HTR2C: variants seen among roughly 807,000 people sequenced by gnomAD.
HTR2C encodes the protein 5-hydroxytryptamine receptor 2C, also known as 5-hydroxytryptamine (serotonin) receptor 2C, G protein-coupled.
Under a neutral mutation model 21.0 loss-of-function variants are expected in HTR2C, and 5 were observed. That is an observed-to-expected ratio of 0.24 (90% CI 0.12 to 0.50). The LOEUF is 0.50. HTR2C is among the 20% of genes least tolerant of loss of function. The pLI is 0.98. For synonymous variants in HTR2C, 150 were observed against 145.3 expected, an observed-to-expected ratio of 1.03 and a Z score of -0.23; for missense variants, 271 against 371.2, an observed-to-expected ratio of 0.73 and a Z score of 2.22.
At chrX:114,906,514 T>G (rs2071373260) in intron 5 of HTR2C, 75 bp from the exon 6 acceptor site, 1 of 736,158 alleles carries the variant, frequency 1.4e-6, no homozygotes, top group Non-Finnish European at 2.0e-6. Flanking sequence ...AAATGCAAAT[T>G]AATGTATGCC....
intron 2 of HTR2C, among the ~76,000 whole-genome samples, chrX:114,614,169 A>G (rs1029568823): frequency 5.4e-5 from 6 of 111,656 alleles, no homozygotes; most frequent in Non-Finnish European, 9.4e-5. Flanking sequence ...GTAAATAAGT[A>G]TAAAGTATGA....
chrX:114,733,522 A>T (rs1459326956), intron 4 of HTR2C, among the ~76,000 whole-genome samples: 2 of 110,052 alleles, frequency 1.8e-5, no homozygotes, highest in East Asian at 5.7e-4. Flanking sequence ...AGTATGCATA[A>T]GACTCAAGAA....
At chrX:114,587,434 A>C (rs1372017775) in intron 1 of HTR2C, among the ~76,000 whole-genome samples, 1 of 111,849 alleles carries the variant, frequency 8.9e-6, no homozygotes, top group African/African-American at 3.2e-5. Context: ...AAGAACTGCT[A>C]AATTATGTTC....
chrX:114,596,887 C>T (rs894488127), intron 1 of HTR2C, among the ~76,000 whole-genome samples: 2 of 111,078 alleles, frequency 1.8e-5, no homozygotes, highest in Admixed American at 9.6e-5. Context: ...TCTGAGTAAT[C>T]GTGTAGATTT....
chrX:114,743,093 T>C (rs1556425563), intron 4 of HTR2C, among the ~76,000 whole-genome samples: 2 of 79,383 alleles, frequency 2.5e-5, no homozygotes, highest in African/African-American at 9.5e-5. Flanking sequence ...TATTCCATGG[T>C]GTATATGTGC....
chrX:114,762,227 G>T (rs1308020401), intron 4 of HTR2C, among the ~76,000 whole-genome samples: 1 of 109,809 alleles, frequency 9.1e-6, no homozygotes, highest in Non-Finnish European at 1.9e-5. Flanking sequence ...TTTTGTAAAA[G>T]ATAGATATTG....
intron 5 of HTR2C, among the ~76,000 whole-genome samples, chrX:114,858,662 T>C (rs2070982558): frequency 9.0e-6 from 1 of 111,468 alleles, no homozygotes; most frequent in African/African-American, 3.2e-5. Flanking sequence ...TTTTCTTCTA[T>C]CTTAAAAATT....
At chrX:114,776,017 C>A (rs1556438670) in intron 4 of HTR2C, 10 of 414,384 alleles carry the variant, frequency 2.4e-5, no homozygotes, top group Non-Finnish European at 4.3e-5. Context: ...CTCTCTTCTT[C>A]TCACTGATGT....
intron 4 of HTR2C, among the ~76,000 whole-genome samples, chrX:114,781,711 G>T (rs781856657): frequency 1.9e-5 from 2 of 107,988 alleles, no homozygotes; most frequent in South Asian, 8.2e-4. Context: ...ATGTTGCCCA[G>T]GCTGGTCTTA....
chrX:114,797,716 G>A (rs1556445645), intron 4 of HTR2C, among the ~76,000 whole-genome samples: 1 of 112,019 alleles, frequency 8.9e-6, no homozygotes, highest in African/African-American at 3.2e-5. Context: ...AGTTTGCCAA[G>A]GCAGACAGTG....
intron 5 of HTR2C, among the ~76,000 whole-genome samples, chrX:114,872,862 G>A (rs2071103089): frequency 9.0e-6 from 1 of 111,361 alleles, no homozygotes; most frequent in South Asian, 3.7e-4. Context: ...GGGTATTAAA[G>A]CCTCCAGCTA....
intron 2 of HTR2C, among the ~76,000 whole-genome samples, chrX:114,693,458 G>C (rs1556415374): frequency 8.9e-6 from 1 of 111,769 alleles, no homozygotes; most frequent in African/African-American, 3.2e-5. Context: ...TCAGTAAAGA[G>C]TTATGATAAA....
At chrX:114,891,517 T>C (rs2071258701) in intron 5 of HTR2C, among the ~76,000 whole-genome samples, 1 of 110,674 alleles carries the variant, frequency 9.0e-6, no homozygotes, top group Non-Finnish European at 1.9e-5. Context: ...TTTCTTGACT[T>C]CTAGTTGCTT....
chrX:114,840,823 T>C (rs187957289), intron 4 of HTR2C, among the ~76,000 whole-genome samples: 1 of 111,902 alleles, frequency 8.9e-6, no homozygotes, highest in East Asian at 2.8e-4. Context: ...CTGCCTTTAA[T>C]AGACATCTAA....
rs782803899 is a variant in HTR2C, at chrX:114,807,402, A to G, written c.350-40601A>G. 1.0e-2 allele frequency among the ~76,000 whole-genome samples: 63 copies of G among 6,331 alleles called. 2 individuals carry two copies. Among genetic ancestry groups the G allele is most frequent in the African/African-American group, 0.021 (54 of 2,599 alleles). The allele number at this position is 6,331 out of a possible 115,157, so 5.5% of individuals were successfully genotyped here. A position where few individuals can be genotyped will look rare whatever the true frequency, so the allele number is the denominator to read the frequency against. On this transcript the variant is annotated intron_variant, in intron 4 of 5. Coordinates refer to ENST00000276198, the MANE Select transcript of HTR2C (RefSeq NM_000868.4). ...TATATATACGCCATATCTATACCATATATATACGCCATATCTATACCATAT... is the reference window on the plus strand; with the variant it reads ...TATATATACGCCATATCTATACCATGTATATACGCCATATCTATACCATAT...
intron 5 of HTR2C, among the ~76,000 whole-genome samples, chrX:114,885,233 C>G (rs2071211816): frequency 9.0e-6 from 1 of 111,229 alleles, no homozygotes; most frequent in Admixed American, 9.6e-5. Context: ...TAGTCATGAA[C>G]TATATAATTG....
intron 4 of HTR2C, among the ~76,000 whole-genome samples, chrX:114,797,404 G>C (rs1247578476): frequency 9.0e-6 from 1 of 111,218 alleles, no homozygotes; most frequent in Non-Finnish European, 1.9e-5. Context: ...TATTTGTCCT[G>C]AGGTAAATTC....
At chrX:114,671,923 C>T (rs1931391496) in intron 2 of HTR2C, among the ~76,000 whole-genome samples, 1 of 111,574 alleles carries the variant, frequency 9.0e-6, no homozygotes, top group South Asian at 3.7e-4. Context: ...GTCTAATATG[C>T]ACTTGTCATA....
chrX:114,631,849 A>ATC (rs1330217654), intron 2 of HTR2C, among the ~76,000 whole-genome samples: 3 of 110,744 alleles, frequency 2.7e-5, no homozygotes, highest in Admixed American at 9.7e-5. Flanking sequence ...GTCCCCACTA[A>ATC]TCTCTCTCTC....
Sources: allele counts gnomAD v4.1 joint callset (sites outside exome capture counted in the v4.1 genomes callset), GRCh38; gene constraint gnomAD v4.1.1; transcripts MANE v1.5; gene names NCBI Gene and HGNC (gene_info 2026-07-23, HGNC 2026-07-21).